VAV3: variants seen among roughly 807,000 people sequenced by gnomAD.
VAV3 encodes the protein guanine nucleotide exchange factor VAV3.
VAV3 carries 94 observed loss-of-function variants against 131.2 expected under a neutral mutation model. The observed-to-expected ratio is 0.72, with a 90% CI of 0.61 to 0.85. The LOEUF (loss-of-function observed/expected upper bound fraction) is 0.85. Ranked by LOEUF, VAV3 falls within the 40% of genes least tolerant of loss-of-function variation. The pLI is 0.00. For synonymous variants in VAV3, 349 were observed against 342.0 expected (o/e 1.02, Z -0.22); for missense variants, 939 against 1,002.7 (o/e 0.94, Z 0.86).
At position 107,726,754 on chromosome 1, in the gene VAV3, A is replaced by C. The variant is rs534043116; in HGVS notation, c.1503-21693T>G. The stretch of plus-strand genomic sequence containing the variant: ...TCATTTATAATGAAATTGATTAAAT[A>C]GATTTTGATTATTTTAGCATCATTA... On this transcript the variant is annotated intron_variant, in intron 15 of 26. Coordinates refer to ENST00000370056, the MANE Select transcript of VAV3 (RefSeq NM_006113.5). 1.4e-3 allele frequency among the ~76,000 whole-genome samples: 217 copies of C among 152,356 alleles called. 1 individual carries two copies. Among genetic ancestry groups the C allele is most frequent in the African/African-American group, 3.9e-3 (162 of 41,592 alleles).
chr1:107,735,550 A>G (rs1375050665), intron 15 of VAV3, among the ~76,000 whole-genome samples: 1 of 152,212 alleles, frequency 6.6e-6, no homozygotes, highest in African/African-American at 2.4e-5. Flanking sequence ...ACAGAAATAC[A>G]AACTACCATC....
chr1:107,635,649 C>T (rs1654874570), intron 20 of VAV3, among the ~76,000 whole-genome samples: 1 of 152,012 alleles, frequency 6.6e-6, no homozygotes, highest in Non-Finnish European at 1.5e-5. Context: ...AATCACAAAA[C>T]TGAAACACTG....
chr1:107,675,443 G>T (rs182503896), intron 19 of VAV3, among the ~76,000 whole-genome samples: 1 of 152,130 alleles, frequency 6.6e-6, no homozygotes, highest in African/African-American at 2.4e-5. Context: ...CCAGATCTGT[G>T]CCACTGTAGA....
At chr1:107,901,444 TA>T (rs1477846308) in intron 1 of VAV3, among the ~76,000 whole-genome samples, 1 of 152,208 alleles carries the variant, frequency 6.6e-6, no homozygotes, top group African/African-American at 2.4e-5. Flanking sequence ...AAGTTCCTTT[TA>T]ATGGTGTATC....
At chr1:107,612,253 A>G (rs1301434736) in intron 21 of VAV3, among the ~76,000 whole-genome samples, 1 of 151,616 alleles carries the variant, frequency 6.6e-6, no homozygotes, top group Non-Finnish European at 1.5e-5. Context: ...ATACCTTATG[A>G]AGCTAGATGG....
chr1:107,948,095 A>G (rs1178770265), intron 1 of VAV3, among the ~76,000 whole-genome samples: 1 of 152,174 alleles, frequency 6.6e-6, no homozygotes, highest in Non-Finnish European at 1.5e-5. Flanking sequence ...TTACTCCTTT[A>G]AGCATCAGAT....
chr1:107,579,817 A>G (rs1570550851), intron 25 of VAV3, among the ~76,000 whole-genome samples: 2 of 152,252 alleles, frequency 1.3e-5, no homozygotes, highest in East Asian at 1.9e-4. Context: ...CCATTTCCAC[A>G]TGTGTTCTCT....
In VAV3 at chr1:107,751,148, T is replaced by C; in HGVS notation, c.1228A>G (p.Thr410Ala). The C allele has an allele frequency of 6.2e-7, 1 of 1,613,330 alleles. No homozygotes were observed. The highest frequency in any genetic ancestry group is 8.5e-7 in the Non-Finnish European group (1 of 1,179,776). ...TGTTTGGTATGCTTGTCTAGAGTGG[T>C]TATTCGAATTTCACCATCTCCCTGA... ...RPQGDGEIRITTLDKHTKQER... is the reference protein window; with the variant it reads ...RPQGDGEIRIATLDKHTKQER... The change falls in exon 13 of 27, where the codon ACC becomes GCC. Residue 410 changes from threonine to alanine, a missense_variant. By Grantham distance (58) the Thr-to-Ala change is moderately conservative. Coordinates refer to ENST00000370056, the MANE Select transcript of VAV3 (RefSeq NM_006113.5).
rs982899594 is a variant in VAV3 at position 107,770,709 on chromosome 1, A to G, written c.575T>C (p.Ile192Thr). 1 of 1,611,758 alleles carries G rather than the reference A, an allele frequency of 6.2e-7. No homozygotes were observed. The highest frequency in any genetic ancestry group is 1.3e-5 in the African/African-American group (1 of 74,978). Residue 192 changes from isoleucine (I) to threonine (T), a missense_variant, in exon 6 of 27, where the codon ATA (isoleucine) becomes ACA (threonine). By Grantham distance (89) the Ile-to-Thr change is moderately conservative (BLOSUM62 -1). Coordinates refer to ENST00000370056, the MANE Select transcript of VAV3 (RefSeq NM_006113.5). ...AHQPKCPEND[I>T]RSCCLAEIKQ... ...AATTTCTGCTAGACAACAACTTCGT[A>G]TATCATTTTCTGGACATTTCTGCAG...
chr1:107,763,059 C>A (rs1046426669), intron 9 of VAV3, among the ~76,000 whole-genome samples: 4 of 152,190 alleles, frequency 2.6e-5, no homozygotes, highest in Non-Finnish European at 4.4e-5. Context: ...ACAGAAGACA[C>A]AAAGAAGGCA....
chr1:107,755,650 T>C (rs961514893), intron 11 of VAV3, 137 bp from the exon 12 acceptor site: 7 of 621,896 alleles, frequency 1.1e-5, no homozygotes, highest in Non-Finnish European at 1.9e-5. Flanking sequence ...GTAAAATGAA[T>C]GCCCAGTCAA....
intron 1 of VAV3, among the ~76,000 whole-genome samples, chr1:107,889,013 G>C (rs911975608): frequency 6.6e-6 from 1 of 152,010 alleles, no homozygotes; most frequent in East Asian, 1.9e-4. Context: ...CAGTGGGTGG[G>C]TCTGACTCCT....
At chr1:107,687,761 C>T (rs1361821360) in intron 18 of VAV3, among the ~76,000 whole-genome samples, 1 of 152,152 alleles carries the variant, frequency 6.6e-6, no homozygotes, top group African/African-American at 2.4e-5. Flanking sequence ...TTACTTCCTA[C>T]ATATCCCATC....
rs367843777 is a variant in VAV3, at chr1:107,753,812, G to A, written c.1173+1615C>T. Among the ~76,000 whole-genome samples, 7 of 151,570 alleles carry A rather than the reference G, an allele frequency of 4.6e-5. No individual in the cohort carries two copies. The East Asian group carries it at 1.2e-3, about 25-fold the overall frequency. ...TGACCTCAGGTGATCTGCCCGCCTC[G>A]GCCTCCCAAAGTGCTGGGATTACAT... On this transcript the variant is annotated intron_variant, in intron 12 of 26. Coordinates refer to ENST00000370056, the MANE Select transcript of VAV3 (RefSeq NM_006113.5).
chr1:107,688,504 TG>T, intron 17 of VAV3, 98 bp from the exon 18 acceptor site: 1 of 1,582,896 alleles, frequency 6.3e-7, no homozygotes, highest in Non-Finnish European at 8.6e-7. Context: ...ACCACTGCTT[TG>T]TTTTCTTAAC....
rs778040461 is a variant in VAV3 at position 107,749,496 on chromosome 1, G to C, written c.1358C>G (p.Ala453Gly). Reference protein sequence around the residue: ...EIIDLQQYKIANNPTTDKENK... With the variant: ...EIIDLQQYKIGNNPTTDKENK... ...TTCTTTATCGGTTGTAGGATTATTG[G>C]CTATCTTGTACTGCTGAAGATCTAT... Residue 453 changes from alanine (A) to glycine (G), a missense_variant, in exon 14 of 27, where the codon GCC (alanine) becomes GGC (glycine). Ala to Gly is a moderately conservative substitution (Grantham distance 60). Transcript: ENST00000370056. 13 of 1,606,600 alleles carry C rather than the reference G, an allele frequency of 8.1e-6. No homozygotes were observed. The East Asian group carries it at 2.7e-4, about 33-fold the overall frequency.
intron 2 of VAV3, among the ~76,000 whole-genome samples, chr1:107,842,452 T>C (rs984905105): frequency 3.3e-5 from 5 of 152,288 alleles, no homozygotes; most frequent in African/African-American, 1.2e-4. Flanking sequence ...ATAAACAGTG[T>C]ATAGTTGGGC....
chr1:107,960,746 C>A (rs1455546421), intron 1 of VAV3, among the ~76,000 whole-genome samples: 5 of 152,064 alleles, frequency 3.3e-5, no homozygotes, highest in Admixed American at 6.6e-5. Context: ...CAGGAATATT[C>A]TTTTTTCCAA....
At chr1:107,733,999 A>G (rs2101982139) in intron 15 of VAV3, among the ~76,000 whole-genome samples, 1 of 152,368 alleles carries the variant, frequency 6.6e-6, no homozygotes, top group South Asian at 2.1e-4. Context: ...CCATCAGACT[A>G]ACAGTGGATT....
Sources: gnomAD v4.1 joint callset for allele counts (sites outside exome capture counted in the v4.1 genomes callset) on GRCh38, gnomAD v4.1.1 for gene constraint, MANE v1.5 for transcripts, NCBI Gene and HGNC (gene_info 2026-07-23, HGNC 2026-07-21) for gene names.